The following MICAL3 variants were observed in gnomAD, a reference collection of about 807,000 sequenced individuals.
The protein encoded by MICAL3 is microtubule associated monooxygenase, calponin and LIM domain containing 3, also known as [F-actin]-monooxygenase MICAL3.
In MICAL3, 62 loss-of-function variants were observed where a neutral mutation model predicts 207.4. The ratio of observed to expected loss-of-function variants is 0.30; its 90% CI spans 0.24 to 0.37. The LOEUF is 0.37. Among genes scored for constraint, MICAL3 ranks in the 10% least tolerant of loss-of-function variants. The pLI, the probability that MICAL3 is intolerant of heterozygous loss-of-function variation, is 1.00. For missense variants in MICAL3, 2,368 were observed against 2,635.6 expected, an observed-to-expected ratio of 0.90 and a Z score of 2.22; for synonymous variants, 1,077 against 1,069.3, an observed-to-expected ratio of 1.01 and a Z score of -0.14.
At chr22:17,870,443 G>A (rs1197208791) in intron 17 of MICAL3, among the ~76,000 whole-genome samples, 2 of 152,190 alleles carry the variant, frequency 1.3e-5, no homozygotes, top group African/African-American at 4.8e-5. Context: ...ATCCCCATAG[G>A]ACAGTGAGCT....
intron 20 of MICAL3, among the ~76,000 whole-genome samples, chr22:17,837,093 G>A (rs1260500155): frequency 1.3e-5 from 2 of 152,230 alleles, no homozygotes; most frequent in African/African-American, 2.4e-5. Flanking sequence ...CTCTCCTGCT[G>A]AGGAGGCGGC....
rs138598006 is a variant in MICAL3 at position 17,854,822 on chromosome 22, G to A, written c.2605+10077C>T. On this transcript the variant is annotated intron_variant, in intron 19 of 31. Transcript: ENST00000441493. ...CAGAGATGAATCTGATGGGCTTCTC[G>A]CCTTTCACTCACTTTCTCCTGGCTG... Among the ~76,000 whole-genome samples, 617 of 152,302 alleles carry A rather than the reference G, an allele frequency of 4.1e-3. 3 individuals carry two copies. Among genetic ancestry groups the A allele is most frequent in the African/African-American group, 0.014 (591 of 41,562 alleles).
intron 19 of MICAL3, among the ~76,000 whole-genome samples, chr22:17,859,306 CAG>C (rs1926261009): frequency 1.3e-5 from 2 of 152,318 alleles, no homozygotes; most frequent in South Asian, 2.1e-4. Context: ...GGACGGAGGC[CAG>C]AGAGGGCTCT....
At chr22:17,930,717 C>T (rs959879633) in intron 1 of MICAL3, among the ~76,000 whole-genome samples, 3 of 152,222 alleles carry the variant, frequency 2.0e-5, no homozygotes, top group Non-Finnish European at 4.4e-5. Context: ...GAACTGTCTC[C>T]CAGGGCCCCC....
chr22:17,877,547 G>T (rs111646629), intron 16 of MICAL3, among the ~76,000 whole-genome samples: 4,207 of 56,762 alleles, frequency 0.074, 80 homozygotes, highest in Middle Eastern at 0.093. Flanking sequence ...TTATGGAGGT[G>T]AGGGAGGTTA....
intron 20 of MICAL3, among the ~76,000 whole-genome samples, chr22:17,832,672 C>T (rs1351634838): frequency 1.8e-4 from 28 of 152,094 alleles, no homozygotes; most frequent in Admixed American, 1.7e-3. Flanking sequence ...GGCCCACTGT[C>T]TAGTTAGAGG....
rs745828106 is a variant in MICAL3, at chr22:17,906,574, T to A, written c.239A>T (p.Lys80Met). 13 of 1,612,068 alleles carry A rather than the reference T, an allele frequency of 8.1e-6. No homozygotes were observed. Among genetic ancestry groups the A allele is most frequent in the Non-Finnish European group, 1.0e-5 (12 of 1,178,578 alleles). The change falls in exon 2 of 32, where the codon AAG becomes ATG. Residue 80 changes from lysine (K) to methionine (M), a missense_variant. By Grantham distance (95) the Lys-to-Met change is moderately conservative (BLOSUM62 -1). Around this residue, in one of 4 missense-constraint regions of MICAL3, gnomAD observed 400 missense variants for 547.0 expected, o/e 0.73. Transcript: ENST00000441493. ...DKRGSHKDYKKGKACTNTKCL... is the reference protein window; with the variant it reads ...DKRGSHKDYKMGKACTNTKCL... ...CTTGGTGTTAGTGCACGCTTTTCCCTTTTTGTAGTCTTTGTGACTGCCCCG... is the reference window on the plus strand; with the variant it reads ...CTTGGTGTTAGTGCACGCTTTTCCCATTTTGTAGTCTTTGTGACTGCCCCG...
intron 1 of MICAL3, among the ~76,000 whole-genome samples, chr22:17,972,428 G>A (rs1935458339): frequency 6.6e-6 from 1 of 152,172 alleles, no homozygotes; most frequent in Admixed American, 6.5e-5. Context: ...TAAGCTACCT[G>A]GGAGGGTGGA....
intron 1 of MICAL3, among the ~76,000 whole-genome samples, chr22:17,910,231 T>C (rs1602201504): frequency 2.0e-5 from 3 of 152,310 alleles, no homozygotes; most frequent in South Asian, 4.1e-4. Flanking sequence ...GGCTTACACC[T>C]ACCCTGAAAG....
intron 20 of MICAL3, among the ~76,000 whole-genome samples, chr22:17,833,760 T>C (rs451840): frequency 0.64 from 96,781 of 152,038 alleles, 31,839 homozygotes; most frequent in African/African-American, 0.76. Context: ...ACCATGTGGA[T>C]AATCAATCAA....
intron 29 of MICAL3, among the ~76,000 whole-genome samples, chr22:17,801,235 C>G (rs1358447704): frequency 5.9e-4 from 32 of 54,576 alleles, no homozygotes; most frequent in African/African-American, 1.9e-3. Flanking sequence ...TCACTGCAAG[C>G]TCCGCCTCCC....
intron 29 of MICAL3, chr22:17,803,934 G>C (rs1057143560): frequency 1.4e-5 from 9 of 654,684 alleles, no homozygotes; most frequent in Non-Finnish European, 1.7e-5. Flanking sequence ...CCCAATCAAT[G>C]ATATGATATG....
Position 17,817,900 on chromosome 22 carries a change from C to T in MICAL3, c.4761G>A (p.Ala1587=), listed in dbSNP as rs756622266. 50 of 1,612,474 alleles carry T rather than the reference C, an allele frequency of 3.1e-5. No homozygotes were observed. The highest frequency in any genetic ancestry group is 2.9e-4 in the South Asian group (26 of 91,086). Residue 1587 remains alanine (A), a synonymous_variant, in exon 26 of 32, where the codon GCG becomes GCA. Coordinates refer to ENST00000441493, the MANE Select transcript of MICAL3 (RefSeq NM_015241.3). ...GCTCCTCGGCCAACTCCTTGGCTTC[C>T]GCGGACACCAAGGGCAGCCCCCTCT... The part of the protein sequence containing the change: ...PQKRGLPLVS[A]EAKELAEERM...
At chr22:17,920,633 C>T (rs748842107) in intron 1 of MICAL3, among the ~76,000 whole-genome samples, 17 of 152,134 alleles carry the variant, frequency 1.1e-4, no homozygotes, top group Non-Finnish European at 2.1e-4. Context: ...AATTGGATGG[C>T]CCTTGATTTT....
intron 1 of MICAL3, among the ~76,000 whole-genome samples, chr22:17,962,805 G>C (rs1198832909): frequency 6.6e-6 from 1 of 152,128 alleles, no homozygotes; most frequent in Non-Finnish European, 1.5e-5. Context: ...TGAAAGGGCA[G>C]GAAGGTGACA....
At chr22:17,896,450 G>A (rs1428796511) in intron 8 of MICAL3, 89 bp from the exon 9 acceptor site, 5 of 880,336 alleles carry the variant, frequency 5.7e-6, no homozygotes, top group East Asian at 2.7e-5. Context: ...GTTTGCTGTC[G>A]ACAGTAGTGT....
intron 1 of MICAL3, among the ~76,000 whole-genome samples, chr22:17,929,628 C>T (rs1465315499): frequency 2.4e-5 from 3 of 125,782 alleles, no homozygotes; most frequent in Non-Finnish European, 3.1e-5. Flanking sequence ...AGTGCAGTGG[C>T]GCTATCTCGG....
At chr22:17,806,796 G>A (rs1285463529) in intron 29 of MICAL3, among the ~76,000 whole-genome samples, 1 of 152,220 alleles carries the variant, frequency 6.6e-6, no homozygotes, top group East Asian at 1.9e-4. Context: ...GACGGCATTT[G>A]GGTTGTGTAT....
chr22:17,957,708 C>CAA (rs374917425), intron 1 of MICAL3, among the ~76,000 whole-genome samples: 13 of 106,250 alleles, frequency 1.2e-4, no homozygotes, highest in Admixed American at 4.6e-4. Flanking sequence ...GAAACTATGT[C>CAA]AAAAAAAAAA....
Sources: allele counts gnomAD v4.1 joint callset (sites outside exome capture counted in the v4.1 genomes callset), GRCh38; gene constraint gnomAD v4.1.1; regional missense constraint gnomAD v4.1.1; transcripts MANE v1.5; gene names NCBI Gene and HGNC (gene_info 2026-07-23, HGNC 2026-07-21).